Variants in ZMAT4 observed in about 807,000 individuals in gnomAD.
ZMAT4 encodes zinc finger matrin-type protein 4.
Under a neutral mutation model 28.7 loss-of-function variants are expected in ZMAT4, and 17 were observed. That is an observed-to-expected ratio of 0.59 (90% CI 0.41 to 0.89). The LOEUF is 0.89. Ranked by LOEUF, ZMAT4 falls within the 40% of genes least tolerant of loss-of-function variation. The probability of loss-of-function intolerance (pLI) is 0.00; values close to 1 mark genes in which losing one functional copy is unlikely to be tolerated. For synonymous variants in ZMAT4, 117 were observed against 109.2 expected, an observed-to-expected ratio of 1.07 and a Z score of -0.44; for missense variants, 240 against 283.8, an observed-to-expected ratio of 0.85 and a Z score of 1.11.
chr8:40,851,412 T>C (rs938752656), intron 1 of ZMAT4, among the ~76,000 whole-genome samples: 10 of 152,150 alleles, frequency 6.6e-5, no homozygotes, highest in Non-Finnish European at 1.2e-4. Flanking sequence ...CTGGAACACA[T>C]AAAGGATATA....
intron 4 of ZMAT4, among the ~76,000 whole-genome samples, chr8:40,675,218 C>A (rs1006987062): frequency 2.0e-5 from 3 of 152,114 alleles, no homozygotes; most frequent in Admixed American, 6.6e-5. Flanking sequence ...AAAATAAATT[C>A]TCAGTTATTC....
intron 3 of ZMAT4, among the ~76,000 whole-genome samples, chr8:40,700,291 C>T (rs1021391767): frequency 1.3e-4 from 19 of 150,938 alleles, no homozygotes; most frequent in African/African-American, 4.1e-4. Context: ...GGGTTTTCAT[C>T]TTTAAGCCTT....
chr8:40,847,911 C>A (rs565730054), intron 1 of ZMAT4, among the ~76,000 whole-genome samples: 1 of 152,282 alleles, frequency 6.6e-6, no homozygotes, highest in South Asian at 2.1e-4. Context: ...GCTAACCTAC[C>A]CACAGATTAC....
intron 3 of ZMAT4, among the ~76,000 whole-genome samples, chr8:40,740,250 CCCA>C (rs1349689132): frequency 6.6e-6 from 1 of 152,180 alleles, no homozygotes; most frequent in African/African-American, 2.4e-5. Context: ...AATTTACACT[CCCA>C]CCAACATACA....
chr8:40,719,024 G>C (rs1015412951), intron 3 of ZMAT4, among the ~76,000 whole-genome samples: 1 of 152,184 alleles, frequency 6.6e-6, no homozygotes, highest in Non-Finnish European at 1.5e-5. Flanking sequence ...TCAAAATACT[G>C]CTCACTCAGA....
At chr8:40,736,174 C>G (rs200207449) in intron 3 of ZMAT4, among the ~76,000 whole-genome samples, 1 of 152,132 alleles carries the variant, frequency 6.6e-6, no homozygotes, top group South Asian at 2.1e-4. Context: ...CTTTCAACCA[C>G]AATAGCCTCA....
intron 4 of ZMAT4, among the ~76,000 whole-genome samples, chr8:40,678,110 G>A (rs1375964573): frequency 1.3e-5 from 2 of 152,052 alleles, no homozygotes; most frequent in Non-Finnish European, 2.9e-5. Context: ...TCTAAATATT[G>A]CCACATTTTC....
At chr8:40,851,938 C>A (rs935583423) in intron 1 of ZMAT4, among the ~76,000 whole-genome samples, 1 of 151,978 alleles carries the variant, frequency 6.6e-6, no homozygotes, top group Non-Finnish European at 1.5e-5. Context: ...ACTCTGTTGC[C>A]CAGGCTGGAG....
intron 6 of ZMAT4, among the ~76,000 whole-genome samples, chr8:40,558,978 G>A (rs1803639402): frequency 6.6e-6 from 1 of 152,254 alleles, no homozygotes; most frequent in Admixed American, 6.5e-5. Flanking sequence ...TGCCAGAAAA[G>A]GGTTAAGCCT....
intron 5 of ZMAT4, among the ~76,000 whole-genome samples, chr8:40,671,728 G>T (rs1808677745): frequency 6.6e-6 from 1 of 152,100 alleles, no homozygotes; most frequent in South Asian, 2.1e-4. Context: ...AGGGCTGTGG[G>T]TTACACAGGT....
intron 1 of ZMAT4, among the ~76,000 whole-genome samples, chr8:40,897,368 G>A (rs531414013): frequency 1.3e-5 from 2 of 152,136 alleles, no homozygotes; most frequent in East Asian, 3.9e-4. Flanking sequence ...GCACACCCTG[G>A]GATCCAACTT....
intron 6 of ZMAT4, among the ~76,000 whole-genome samples, chr8:40,549,050 A>T (rs1036227058): frequency 1.3e-5 from 2 of 152,114 alleles, no homozygotes; most frequent in African/African-American, 4.8e-5. Context: ...TGATGAGGTC[A>T]TGAGGCCTCC....
At chr8:40,577,507 A>G (rs71519556) in intron 6 of ZMAT4, among the ~76,000 whole-genome samples, 5 of 152,154 alleles carry the variant, frequency 3.3e-5, no homozygotes, top group Non-Finnish European at 7.4e-5. Flanking sequence ...CGTGGTTACT[A>G]GAGGCTGAGA....
chr8:40,716,233 G>T (rs1438450701), intron 3 of ZMAT4, among the ~76,000 whole-genome samples: 1 of 139,986 alleles, frequency 7.1e-6, no homozygotes, highest in Non-Finnish European at 1.5e-5. Flanking sequence ...TGTCACCTGA[G>T]AGCTTGCTGG....
chr8:40,603,798 T>A (rs925620418), intron 5 of ZMAT4, among the ~76,000 whole-genome samples: 1 of 151,914 alleles, frequency 6.6e-6, no homozygotes, highest in Admixed American at 6.6e-5. Context: ...CCAGCTAATT[T>A]TTTTTGTATT....
intron 5 of ZMAT4, among the ~76,000 whole-genome samples, chr8:40,633,300 G>A (rs1276743239): frequency 6.6e-6 from 1 of 152,106 alleles, no homozygotes; most frequent in Non-Finnish European, 1.5e-5. Flanking sequence ...CCAAGCCTGA[G>A]CAATTCAACT....
intron 3 of ZMAT4, among the ~76,000 whole-genome samples, chr8:40,733,289 C>T (rs943236751): frequency 2.0e-5 from 3 of 152,072 alleles, no homozygotes; most frequent in Non-Finnish European, 2.9e-5. Context: ...TTAAGTTTGT[C>T]ATTGTCTTTG....
intron 5 of ZMAT4, among the ~76,000 whole-genome samples, chr8:40,638,430 T>C (rs2118751929): frequency 6.6e-6 from 1 of 152,370 alleles, no homozygotes; most frequent in South Asian, 2.1e-4. Context: ...ATAGAGTCTT[T>C]CATTCCACAG....
intron 5 of ZMAT4, among the ~76,000 whole-genome samples, chr8:40,581,638 A>G (rs778969658): frequency 2.0e-5 from 3 of 152,130 alleles, no homozygotes; most frequent in Admixed American, 6.5e-5. Flanking sequence ...ACTCTATCCT[A>G]ATTCCTTTCC....
Sources: gnomAD v4.1 joint callset for allele counts (sites outside exome capture counted in the v4.1 genomes callset) on GRCh38, gnomAD v4.1.1 for gene constraint, MANE v1.5 for transcripts, NCBI Gene and HGNC (gene_info 2026-07-23, HGNC 2026-07-21) for gene names.